GTSF1: variants seen among roughly 807,000 people sequenced by gnomAD.
GTSF1 encodes the protein gametocyte specific factor 1.
Under a neutral mutation model 28.9 loss-of-function variants are expected in GTSF1, and 11 were observed. The ratio of observed to expected loss-of-function variants is 0.38; its 90% CI spans 0.24 to 0.63. The LOEUF is 0.63. Among genes scored for constraint, GTSF1 ranks in the 30% least tolerant of loss-of-function variants. The pLI, the probability that GTSF1 is intolerant of heterozygous loss-of-function variation, is 0.56. For missense variants in GTSF1, 146 were observed against 201.0 expected (o/e 0.73, Z 1.66); for synonymous variants, 69 against 65.6 (o/e 1.05, Z -0.25).
intron 8 of GTSF1, among the ~76,000 whole-genome samples, chr12:54,456,524 T>A (rs749873483): frequency 6.6e-6 from 1 of 152,234 alleles, no homozygotes; most frequent in African/African-American, 2.4e-5. Context: ...AAAAATAGTT[T>A]TTAAGCTTTT....
Position 54,469,687 on chromosome 12 carries a change from C to CAAAAAA in GTSF1, c.16+1540_16+1545dup, listed in dbSNP as rs375917825. Among the ~76,000 whole-genome samples the CAAAAAA allele has an allele frequency of 9.0e-4, 52 of 57,638 alleles. No homozygotes were observed. In the East Asian group the frequency reaches 0.023, roughly 25 times the overall value. The allele number at this position is 57,638 out of a possible 152,430, so 37.8% of individuals were successfully genotyped here. ...TGGGTGACAGAGCGAGACTCCTTCT[C>CAAAAAA]AAAAAAAAAAAAAAAAAAAAAGACA... On this transcript the variant is annotated intron_variant, in intron 2 of 8. Transcript: ENST00000305879.
rs1956324814 is a variant in GTSF1 at position 54,456,009 on chromosome 12, T to C, written c.*165A>G. ...GCTTCTGAGTATGAGGGTTCTTGCA[T>C]TAAATGAGGATTCAAGGGGGGAGGA... On this transcript the variant is annotated 3_prime_UTR_variant, in exon 9 of 9. Transcript: ENST00000305879. 6.6e-6 allele frequency: 1 copy of C among 152,568 alleles called. No individual in the cohort carries two copies. The highest frequency in any genetic ancestry group is 1.5e-5 in the Non-Finnish European group (1 of 68,024). The allele number at this position is 152,568 out of a possible 1,614,324, so 9.5% of individuals were successfully genotyped here. A position where few individuals can be genotyped will look rare whatever the true frequency, so the allele number is the denominator to read the frequency against.
chr12:54,462,868 G>C, intron 4 of GTSF1, 143 bp from the exon 5 acceptor site: 1 of 636,804 alleles, frequency 1.6e-6, no homozygotes, highest in Non-Finnish European at 2.7e-6. Context: ...CTAAAAGAGG[G>C]ATCTTATCTC....
chr12:54,460,528 C>G (rs780044581), intron 6 of GTSF1, 57 bp from the exon 7 acceptor site: 6 of 1,116,970 alleles, frequency 5.4e-6, no homozygotes, highest in Non-Finnish European at 8.1e-6. Flanking sequence ...AGCAGGCACA[C>G]GTAAGATAAT....
intron 1 of GTSF1, 138 bp from the exon 2 acceptor site, chr12:54,471,415 A>G (rs1192741929): frequency 2.0e-6 from 1 of 495,902 alleles, no homozygotes; most frequent in East Asian, 3.3e-5. Context: ...ACTCCCCCCA[A>G]TATTTTCTTC....
At chr12:54,467,472 G>C (rs1273297263) in intron 2 of GTSF1, among the ~76,000 whole-genome samples, 1 of 151,838 alleles carries the variant, frequency 6.6e-6, no homozygotes, top group Non-Finnish European at 1.5e-5. Flanking sequence ...CCACCACCAA[G>C]CTCAGCTAAT....
At chr12:54,462,871 C>A in intron 4 of GTSF1, 146 bp from the exon 5 acceptor site, 1 of 635,370 alleles carries the variant, frequency 1.6e-6, no homozygotes, top group South Asian at 2.2e-5. Flanking sequence ...AAAGAGGGAT[C>A]TTATCTCTTT....
chr12:54,465,587 G>A (rs1228074544), intron 2 of GTSF1, among the ~76,000 whole-genome samples: 1 of 152,018 alleles, frequency 6.6e-6, no homozygotes, highest in Non-Finnish European at 1.5e-5. Flanking sequence ...CACTGATTTG[G>A]GGGCCCACAA....
intron 8 of GTSF1, 78 bp downstream of exon 8, chr12:54,459,011 T>G: frequency 1.0e-6 from 1 of 965,846 alleles, no homozygotes; most frequent in Non-Finnish European, 1.6e-6. Context: ...TGAAAGAAAA[T>G]TGGACCCAAA....
At chr12:54,459,222 T>C in intron 7 of GTSF1, 97 bp from the exon 8 acceptor site, 1 of 1,443,948 alleles carries the variant, frequency 6.9e-7, no homozygotes, top group Non-Finnish European at 9.4e-7. Context: ...TTCCTGTGTA[T>C]ACTGAATTAT....
Position 54,460,477 on chromosome 12 carries a change from A to G in GTSF1, c.393-6T>C, listed in dbSNP as rs1470890744. 3 of 1,608,848 alleles carry G rather than the reference A, an allele frequency of 1.9e-6. No homozygotes were observed. The highest frequency in any genetic ancestry group is 1.7e-6 in the Non-Finnish European group (2 of 1,175,570). ...TAACTATGTTGCTCGCAGGGCTGCA[A>G]AAAGATGAATTTGGCTATGTCGGCA... On this transcript the variant is annotated splice_region_variant and splice_polypyrimidine_tract_variant and intron_variant, in intron 6 of 8. Transcript: ENST00000305879.
At chr12:54,457,104 A>G (rs572972304) in intron 8 of GTSF1, among the ~76,000 whole-genome samples, 2 of 152,206 alleles carry the variant, frequency 1.3e-5, no homozygotes, top group South Asian at 4.1e-4. Context: ...AAAACAAACA[A>G]ACAAACAAAA....
Position 54,459,098 on chromosome 12 carries a change from T to A in GTSF1, c.*11A>T. The A allele has an allele frequency of 6.3e-7, 1 of 1,599,964 alleles. No individual in the cohort carries two copies. The highest frequency in any genetic ancestry group is 8.5e-7 in the Non-Finnish European group (1 of 1,169,986). On this transcript the variant is annotated 3_prime_UTR_variant, in exon 8 of 9. Coordinates refer to ENST00000305879, the MANE Select transcript of GTSF1 (RefSeq NM_144594.3). ...AAACTGAAACACTTACTTGATGAGA[T>A]AGGTATTCAGTTACTGTGCATTTCC...
intron 6 of GTSF1, among the ~76,000 whole-genome samples, chr12:54,461,604 T>A (rs1956424151): frequency 6.6e-6 from 1 of 152,026 alleles, no homozygotes; most frequent in African/African-American, 2.4e-5. Context: ...GATCATGCCA[T>A]TACACTCCAG....
intron 3 of GTSF1, among the ~76,000 whole-genome samples, 198 bp from the exon 4 acceptor site, chr12:54,463,495 C>A (rs1403953671): frequency 1.3e-5 from 2 of 152,134 alleles, no homozygotes; most frequent in South Asian, 2.1e-4. Context: ...TCAAAATCAT[C>A]AAAACATAAG....
intron 6 of GTSF1, among the ~76,000 whole-genome samples, chr12:54,461,383 C>T (rs1956420809): frequency 6.6e-6 from 1 of 151,960 alleles, no homozygotes. Flanking sequence ...CTGTGCCTGG[C>T]CAGAAATCAT....
At chr12:54,458,066 A>G (rs1565656371) in intron 8 of GTSF1, among the ~76,000 whole-genome samples, 1 of 152,234 alleles carries the variant, frequency 6.6e-6, no homozygotes, top group Non-Finnish European at 1.5e-5. Flanking sequence ...TTATTCATTA[A>G]TTCAATGAAT....
chr12:54,465,287 G>A, intron 2 of GTSF1, 120 bp from the exon 3 acceptor site: 1 of 514,832 alleles, frequency 1.9e-6, no homozygotes, highest in South Asian at 3.1e-5. Flanking sequence ...ATAGTCTAAA[G>A]AAAACTTGGA....
intron 8 of GTSF1, among the ~76,000 whole-genome samples, chr12:54,457,833 T>C (rs1278355623): frequency 6.6e-6 from 1 of 152,204 alleles, no homozygotes; most frequent in Non-Finnish European, 1.5e-5. Flanking sequence ...GGCTTTCAAA[T>C]GTATTTAACA....
Sources: gnomAD v4.1 joint callset for allele counts (sites outside exome capture counted in the v4.1 genomes callset) on GRCh38, gnomAD v4.1.1 for gene constraint, MANE v1.5 for transcripts, NCBI Gene and HGNC (gene_info 2026-07-23, HGNC 2026-07-21) for gene names.